STON1: variants seen among roughly 807,000 people sequenced by gnomAD.
STON1 encodes stonin 1.
STON1 carries 79 observed loss-of-function variants against 60.9 expected under a neutral mutation model. The ratio of observed to expected loss-of-function variants is 1.30; its 90% CI spans 1.08 to 1.56. STON1 has a LOEUF of 1.56. STON1 is among the 40% of genes most tolerant of loss of function. The pLI, the probability that STON1 is intolerant of heterozygous loss-of-function variation, is 0.00. For synonymous variants in STON1, 363 were observed against 306.9 expected (o/e 1.18, Z -1.91); for missense variants, 1,166 against 858.9 (o/e 1.36, Z -4.47).
chr2:48,593,097 A>G (rs1674616667), intron 3 of STON1, among the ~76,000 whole-genome samples: 1 of 152,080 alleles, frequency 6.6e-6, no homozygotes, highest in Non-Finnish European at 1.5e-5. Flanking sequence ...ATGGTGATGC[A>G]TCTTGCTGAT....
chr2:48,576,370 A>C (rs1446848694), intron 1 of STON1, among the ~76,000 whole-genome samples: 1 of 150,948 alleles, frequency 6.6e-6, no homozygotes, highest in African/African-American at 2.4e-5. Flanking sequence ...TTGTATTTTT[A>C]GTAGAGATGA....
chr2:48,580,488 T>G, intron 1 of STON1, 99 bp from the exon 2 acceptor site: 1 of 1,177,846 alleles, frequency 8.5e-7, no homozygotes, highest in Non-Finnish European at 1.1e-6. Flanking sequence ...ACCAACAGAA[T>G]TATAATTTTT....
intron 1 of STON1, among the ~76,000 whole-genome samples, chr2:48,565,641 G>A (rs532467752): frequency 5.4e-4 from 83 of 152,320 alleles, no homozygotes; most frequent in African/African-American, 1.9e-3. Flanking sequence ...AAGATTCATA[G>A]CAAGTTGTCT....
Position 48,581,122 on chromosome 2 carries a change from A to G in STON1, c.489A>G (p.Leu163=), listed in dbSNP as rs1358829762. The G allele has an allele frequency of 6.3e-7, 1 of 1,589,792 alleles. No individual in the cohort carries two copies. The highest frequency in any genetic ancestry group is 8.5e-7 in the Non-Finnish European group (1 of 1,171,952). ...DEVNPQQAES[L]GFQSDDLPQF... is the part of the protein sequence containing the mutation. ...TTAATCCTCAACAGGCTGAAAGCCT[A>G]GGATTCCAAAGTGATGATCTCCCCC... The change falls in exon 2 of 4, where the codon CTA becomes CTG. Residue 163 remains leucine, a synonymous_variant. Transcript: ENST00000404752.
chr2:48,585,538 C>T (rs532842447), intron 2 of STON1, among the ~76,000 whole-genome samples: 96 of 152,248 alleles, frequency 6.3e-4, no homozygotes, highest in South Asian at 2.3e-3. Context: ...TTTGAGCCAC[C>T]GTGCCTGGCC....
chr2:48,593,979 A>G (rs1000869643), intron 3 of STON1, among the ~76,000 whole-genome samples: 1 of 152,170 alleles, frequency 6.6e-6, no homozygotes, highest in South Asian at 2.1e-4. Context: ...CCTGGAATCT[A>G]TGCAGGGGTG....
At chr2:48,584,516 C>T (rs1235764817) in intron 2 of STON1, among the ~76,000 whole-genome samples, 1 of 152,140 alleles carries the variant, frequency 6.6e-6, no homozygotes, top group Non-Finnish European at 1.5e-5. Flanking sequence ...GATCCACCCG[C>T]CTTGGCCTCC....
At chr2:48,558,092 A>C (rs964573631) in intron 1 of STON1, among the ~76,000 whole-genome samples, 1 of 152,126 alleles carries the variant, frequency 6.6e-6, no homozygotes, top group Admixed American at 6.5e-5. Context: ...GCTTGGTGGC[A>C]CATGCCTGTA....
chr2:48,549,967 A>G (rs1672030839), intron 1 of STON1, among the ~76,000 whole-genome samples: 1 of 151,986 alleles, frequency 6.6e-6, no homozygotes, highest in African/African-American at 2.4e-5. Flanking sequence ...ATATAAGTCC[A>G]GACAGGAGGG....
chr2:48,558,056 C>G (rs952835477), intron 1 of STON1, among the ~76,000 whole-genome samples: 3 of 152,264 alleles, frequency 2.0e-5, no homozygotes, highest in East Asian at 1.9e-4. Flanking sequence ...AACCCCATCT[C>G]TACCAAAAAT....
At chr2:48,532,648 C>T (rs1406167612) in intron 1 of STON1, among the ~76,000 whole-genome samples, 2 of 151,862 alleles carry the variant, frequency 1.3e-5, no homozygotes, top group African/African-American at 2.4e-5. Context: ...TTTGCACTAT[C>T]TCATGAAATA....
At chr2:48,547,765 T>A (rs1212066322) in intron 1 of STON1, among the ~76,000 whole-genome samples, 1 of 151,992 alleles carries the variant, frequency 6.6e-6, no homozygotes, top group Non-Finnish European at 1.5e-5. Flanking sequence ...CGGGAGGAGG[T>A]TAATTTGCGG....
intron 1 of STON1, among the ~76,000 whole-genome samples, chr2:48,548,288 G>A (rs1671942565): frequency 6.6e-6 from 1 of 152,176 alleles, no homozygotes; most frequent in African/African-American, 2.4e-5. Context: ...ACATGCTTAT[G>A]CCACCTCAGG....
chr2:48,567,072 G>A (rs1040623246), intron 1 of STON1, among the ~76,000 whole-genome samples: 1 of 152,204 alleles, frequency 6.6e-6, no homozygotes, highest in Non-Finnish European at 1.5e-5. Flanking sequence ...AAATGCCGTA[G>A]GGGAGGGGCA....
chr2:48,562,932 C>T (rs1672670047), intron 1 of STON1, among the ~76,000 whole-genome samples: 2 of 152,218 alleles, frequency 1.3e-5, no homozygotes, highest in African/African-American at 4.8e-5. Flanking sequence ...ACTGGATGCT[C>T]ACTTTCCCCA....
chr2:48,565,366 C>T (rs751958670), intron 1 of STON1, among the ~76,000 whole-genome samples: 1 of 152,080 alleles, frequency 6.6e-6, no homozygotes, highest in African/African-American at 2.4e-5. Context: ...ACTTCTTATA[C>T]AGGTACTAAT....
At chr2:48,573,690 C>T (rs2103880317) in intron 1 of STON1, among the ~76,000 whole-genome samples, 1 of 152,286 alleles carries the variant, frequency 6.6e-6, no homozygotes, top group East Asian at 1.9e-4. Flanking sequence ...GGTATATACT[C>T]AAGAAAAAGG....
chr2:48,586,347 C>G (rs1360613538), intron 2 of STON1, among the ~76,000 whole-genome samples: 1 of 152,184 alleles, frequency 6.6e-6, no homozygotes, highest in East Asian at 1.9e-4. Context: ...GATACAGACA[C>G]AAACATGATT....
intron 1 of STON1, among the ~76,000 whole-genome samples, chr2:48,555,461 C>T (rs1374648779): frequency 1.0e-5 from 1 of 99,748 alleles, no homozygotes; most frequent in Non-Finnish European, 2.1e-5. Context: ...TGACCCCCCC[C>T]ACCTCCCTCC....
Sources: allele counts gnomAD v4.1 joint callset (sites outside exome capture counted in the v4.1 genomes callset), GRCh38; gene constraint gnomAD v4.1.1; transcripts MANE v1.5; gene names NCBI Gene and HGNC (gene_info 2026-07-23, HGNC 2026-07-21).